The following S100Z variants were observed in gnomAD, a reference collection of about 807,000 sequenced individuals.
S100Z encodes the protein protein S100-Z.
A neutral mutation model predicts 8.5 loss-of-function variants in S100Z; 11 were observed. That is an observed-to-expected ratio of 1.30 (90% confidence interval 0.82 to 2.15). S100Z has a LOEUF of 2.15. Among genes scored for constraint, S100Z ranks in the 30% most tolerant of loss-of-function variants. S100Z has a pLI of 0.00. For missense variants in S100Z, 126 were observed against 117.9 expected (o/e 1.07, Z -0.32); for synonymous variants, 34 against 43.8 (o/e 0.78, Z 0.89).
intron 2 of S100Z, among the ~76,000 whole-genome samples, chr5:76,873,285 T>C (rs1316308791): frequency 6.6e-6 from 1 of 151,940 alleles, no homozygotes; most frequent in Non-Finnish European, 1.5e-5. Context: ...ATTTTACCTA[T>C]ATTACTTTGA....
In S100Z at chr5:76,877,711, A is replaced by G. The variant is rs553381306; in HGVS notation, c.179A>G (p.Gln60Arg). ...ACCCAGTTGGTTGATAAGATAGTGC[A>G]GGACCTGGATGCCAATAAGGACAAC... ...KETQLVDKIV[Q>R]DLDANKDNEV... is the part of the protein sequence containing the mutation. Residue 60 changes from glutamine (Q) to arginine (R), a missense_variant, in exon 4 of 5, where the codon CAG (glutamine) becomes CGG (arginine). Coordinates refer to ENST00000317593, the MANE Select transcript of S100Z (RefSeq NM_130772.4). 9.3e-6 allele frequency: 15 copies of G among 1,612,588 alleles called. No individual in the cohort carries two copies. The highest frequency in any genetic ancestry group is 1.3e-5 in the Non-Finnish European group (15 of 1,178,588).
At chr5:76,865,338 G>A (rs544712075) in intron 1 of S100Z, among the ~76,000 whole-genome samples, 7 of 147,766 alleles carry the variant, frequency 4.7e-5, no homozygotes, top group South Asian at 4.3e-4. Flanking sequence ...TCCGCCTCCC[G>A]GCTTCAAGTG....
At chr5:76,903,345 G>T (rs977426428) in intron 4 of S100Z, among the ~76,000 whole-genome samples, 10 of 151,648 alleles carry the variant, frequency 6.6e-5, no homozygotes, top group Admixed American at 1.3e-4. Flanking sequence ...TTTGAGTCTG[G>T]TTTTTTTTCA....
chr5:76,872,763 C>T (rs905630777), intron 2 of S100Z, among the ~76,000 whole-genome samples: 1 of 152,168 alleles, frequency 6.6e-6, no homozygotes, highest in Admixed American at 6.5e-5. Context: ...GAGTTCAAGA[C>T]CAGCCTGGGC....
At chr5:76,935,666 C>T in the S100Z span, among the ~76,000 whole-genome samples, 2 of 151,576 alleles carry the variant, frequency 1.3e-5, no homozygotes, top group Non-Finnish European at 2.9e-5. Context: ...TGCCTTCTCC[C>T]TGGTCTGTTG....
intron 4 of S100Z, among the ~76,000 whole-genome samples, chr5:76,879,710 G>C (rs1743326517): frequency 1.3e-5 from 2 of 152,302 alleles, no homozygotes; most frequent in East Asian, 3.9e-4. Context: ...ACAGTTTGCT[G>C]TAAAGAAAAG....
chr5:76,894,951 C>T (rs776044682), intron 4 of S100Z, among the ~76,000 whole-genome samples: 11 of 151,920 alleles, frequency 7.2e-5, no homozygotes, highest in Admixed American at 1.3e-4. Flanking sequence ...CAGAAAAAAG[C>T]GCTATGTTGT....
chr5:76,937,333 AT>A, the S100Z span, among the ~76,000 whole-genome samples: 17 of 150,190 alleles, frequency 1.1e-4, no homozygotes, highest in South Asian at 2.1e-4. Context: ...GTAATGTTTG[AT>A]TTTTTTTTTA....
intron 4 of S100Z, among the ~76,000 whole-genome samples, chr5:76,899,895 A>G (rs1227967722): frequency 2.0e-5 from 3 of 152,088 alleles, no homozygotes; most frequent in African/African-American, 7.2e-5. Flanking sequence ...TTTTTGATTC[A>G]TGTACTCCCT....
At position 76,854,896 on chromosome 5, in the gene S100Z, T is replaced by C. The variant is rs115294150; in HGVS notation, c.-176+4741T>C. On this transcript the variant is annotated intron_variant, in intron 1 of 4. Coordinates refer to ENST00000317593, the MANE Select transcript of S100Z (RefSeq NM_130772.4). Reference sequence around the variant, plus strand: ...TCATGGGCCAGGCCCCAGGGCCCCATCACCTACCCTGTGTAAGCAGGCTTG... The same window carrying C: ...TCATGGGCCAGGCCCCAGGGCCCCACCACCTACCCTGTGTAAGCAGGCTTG... 2.8e-3 allele frequency among the ~76,000 whole-genome samples: 430 copies of C among 152,344 alleles called. 3 individuals carry two copies. Among genetic ancestry groups the C allele is most frequent in the African/African-American group, 9.8e-3 (407 of 41,592 alleles).
chr5:76,887,464 A>G (rs1436070594), intron 4 of S100Z, among the ~76,000 whole-genome samples: 1 of 129,216 alleles, frequency 7.7e-6, no homozygotes. Context: ...CAGTGGCACT[A>G]TCTTGGCTCA....
the S100Z span, among the ~76,000 whole-genome samples, chr5:76,945,727 TC>T: frequency 6.6e-6 from 1 of 152,208 alleles, no homozygotes; most frequent in East Asian, 1.9e-4. Flanking sequence ...CACCCTGCTT[TC>T]CTACTGCATT....
chr5:76,879,929 C>T (rs1743335509), intron 4 of S100Z, among the ~76,000 whole-genome samples: 1 of 152,042 alleles, frequency 6.6e-6, no homozygotes, highest in East Asian at 1.9e-4. Context: ...GAAGAGACCC[C>T]CAGACAGGCT....
At chr5:76,931,147 G>A in the S100Z span, among the ~76,000 whole-genome samples, 2 of 150,766 alleles carry the variant, frequency 1.3e-5, no homozygotes, top group Non-Finnish European at 3.0e-5. Flanking sequence ...CTCGGTCGTC[G>A]AGGGTTGGAG....
At chr5:76,910,667 A>G (rs1336541244) in intron 4 of S100Z, among the ~76,000 whole-genome samples, 1 of 152,196 alleles carries the variant, frequency 6.6e-6, no homozygotes, top group African/African-American at 2.4e-5. Context: ...TGCCAACCAG[A>G]TGATCCAGCA....
rs1744345015 is a variant in S100Z at position 76,904,266 on chromosome 5, C to T, written c.*3-16451C>T. On this transcript the variant is annotated intron_variant, in intron 4 of 4. Coordinates refer to ENST00000317593, the MANE Select transcript of S100Z (RefSeq NM_130772.4). ...TTAAACTGCAGTGGTGTGATCTTAG[C>T]TCACTGCAACCTTCACCTCCCAGGC... 2.6e-5 allele frequency among the ~76,000 whole-genome samples: 4 copies of T among 152,176 alleles called. No individual in the cohort carries two copies. The South Asian group carries it at 8.3e-4, about 32-fold the overall frequency.
downstream of S100Z, among the ~76,000 whole-genome samples, chr5:76,925,956 G>C (rs1580075568): frequency 6.6e-6 from 1 of 152,146 alleles, no homozygotes; most frequent in African/African-American, 2.4e-5. Context: ...GACAGAGTGA[G>C]ACTCCATCTT....
chr5:76,950,240 G>T, the S100Z span, among the ~76,000 whole-genome samples: 2 of 152,168 alleles, frequency 1.3e-5, no homozygotes, highest in Admixed American at 6.5e-5. Flanking sequence ...ATTATCACAG[G>T]TCATATTACA....
chr5:76,920,664 A>C (rs1392835312), intron 4 of S100Z, 53 bp from the exon 5 acceptor site: 4 of 152,234 alleles, frequency 2.6e-5, no homozygotes, highest in African/African-American at 4.8e-5. Context: ...CAGGAAACAT[A>C]CTACACAGCC....
Sources: allele counts gnomAD v4.1 joint callset (sites outside exome capture counted in the v4.1 genomes callset), GRCh38; gene constraint gnomAD v4.1.1; transcripts MANE v1.5; gene names NCBI Gene and HGNC (gene_info 2026-07-23, HGNC 2026-07-21).